The following CEP83 variants were observed in gnomAD, a reference collection of about 807,000 sequenced individuals.
CEP83 encodes the protein centrosomal protein 83, also known as centrosomal protein of 83 kDa.
A neutral mutation model predicts 101.9 loss-of-function variants in CEP83; 70 were observed. The observed-to-expected ratio is 0.69, with a 90% CI of 0.57 to 0.84. The LOEUF (loss-of-function observed/expected upper bound fraction) is 0.84. Ranked by LOEUF, CEP83 falls within the 40% of genes least tolerant of loss-of-function variation. The pLI is 0.00. For missense variants in CEP83, 715 were observed against 787.2 expected (o/e 0.91, Z 1.10); for synonymous variants, 264 against 267.9 (o/e 0.99, Z 0.14).
chr12:94,336,282 A>G (rs1445082324), intron 11 of CEP83, among the ~76,000 whole-genome samples: 1 of 152,222 alleles, frequency 6.6e-6, no homozygotes, highest in Non-Finnish European at 1.5e-5. Flanking sequence ...CTTAAAAAGC[A>G]GAGCAGCTCT....
At chr12:94,273,556 A>G in the CEP83 span, among the ~76,000 whole-genome samples, 7 of 152,138 alleles carry the variant, frequency 4.6e-5, no homozygotes, top group Non-Finnish European at 7.4e-5. Flanking sequence ...CTGCCGACCT[A>G]AAAGAGGTAC....
chr12:94,291,897 T>C, the CEP83 span, among the ~76,000 whole-genome samples: 2 of 152,184 alleles, frequency 1.3e-5, no homozygotes, highest in Non-Finnish European at 2.9e-5. Flanking sequence ...TTTTCAGCCC[T>C]TGCCCCAGAC....
chr12:94,309,883 G>T, intron 16 of CEP83, 35 bp downstream of exon 16: 2 of 1,314,462 alleles, frequency 1.5e-6, no homozygotes, highest in South Asian at 2.0e-5. Flanking sequence ...AAAAATGTAC[G>T]ACTTTTTTTT....
intron 11 of CEP83, among the ~76,000 whole-genome samples, chr12:94,339,928 C>A (rs1461969139): frequency 6.6e-6 from 1 of 152,218 alleles, no homozygotes; most frequent in Non-Finnish European, 1.5e-5. Flanking sequence ...GACACATATC[C>A]TTTCATCCCT....
At chr12:94,422,937 T>A (rs948421534) in intron 2 of CEP83, among the ~76,000 whole-genome samples, 17 of 152,042 alleles carry the variant, frequency 1.1e-4, no homozygotes, top group Non-Finnish European at 8.8e-5. Flanking sequence ...GTGGACACAT[T>A]TTCAGTTTGG....
chr12:94,403,880 TAAAA>T (rs11341038), intron 4 of CEP83, among the ~76,000 whole-genome samples: 2 of 139,836 alleles, frequency 1.4e-5, no homozygotes, highest in Non-Finnish European at 1.5e-5. Context: ...ATACTAGTTG[TAAAA>T]AAAAAAAAAA....
chr12:94,297,447 C>T, the CEP83 span: 1 of 1,482,118 alleles, frequency 6.7e-7, no homozygotes, highest in Non-Finnish European at 9.4e-7. Context: ...TCTGGGAGCA[C>T]TTTATGGCTA....
chr12:94,381,995 A>C (rs1466188284), intron 6 of CEP83, among the ~76,000 whole-genome samples: 1 of 152,014 alleles, frequency 6.6e-6, no homozygotes, highest in Non-Finnish European at 1.5e-5. Flanking sequence ...CTAGTTAACT[A>C]TTCATTTTGG....
At chr12:94,451,886 T>C (rs1201231667) in intron 1 of CEP83, among the ~76,000 whole-genome samples, 1 of 152,136 alleles carries the variant, frequency 6.6e-6, no homozygotes, top group Non-Finnish European at 1.5e-5. Context: ...AGCCAAAAAC[T>C]GGAAACCATC....
At chr12:94,297,267 G>T in the CEP83 span, 16 of 1,613,164 alleles carry the variant, frequency 9.9e-6, no homozygotes, top group Non-Finnish European at 1.3e-5. Flanking sequence ...CATGCCTTCT[G>T]TAGCAAGAGT....
chr12:94,426,811 G>A lies in CEP83; in HGVS notation c.-102+8464C>T, dbSNP rs537110191. 4.3e-3 allele frequency among the ~76,000 whole-genome samples: 649 copies of A among 152,230 alleles called. 1 individual carries two copies. Among genetic ancestry groups the A allele is most frequent in the Non-Finnish European group, 7.5e-3 (512 of 68,026 alleles). On this transcript the variant is annotated intron_variant, in intron 2 of 16. Transcript: ENST00000397809. ...GAGACTGAAGAGGAAGAGGCAATGT[G>A]ACCACGGAGACAGAGACTGGAAAGA...
intron 1 of CEP83, among the ~76,000 whole-genome samples, chr12:94,458,710 C>A (rs1230009172): frequency 6.6e-6 from 1 of 152,172 alleles, no homozygotes; most frequent in African/African-American, 2.4e-5. Context: ...TGCACTCCAG[C>A]CTGGGCGACA....
chr12:94,343,458 G>C (rs993958472), intron 11 of CEP83, among the ~76,000 whole-genome samples: 1 of 142,124 alleles, frequency 7.0e-6, no homozygotes, highest in Non-Finnish European at 1.5e-5. Flanking sequence ...ATGCAATAAA[G>C]CTAGAAATTA....
the CEP83 span, chr12:94,294,523 T>C: frequency 3.1e-6 from 4 of 1,302,160 alleles, no homozygotes; most frequent in East Asian, 2.4e-5. Flanking sequence ...TTTAAGAAGA[T>C]AGCAAATTTT....
chr12:94,298,940 T>G, the CEP83 span: 2 of 714,622 alleles, frequency 2.8e-6, no homozygotes, highest in Non-Finnish European at 4.4e-6. Flanking sequence ...CAAAGTAGTT[T>G]CTTATTCTGT....
At chr12:94,451,004 T>A (rs2067210136) in intron 1 of CEP83, among the ~76,000 whole-genome samples, 1 of 152,158 alleles carries the variant, frequency 6.6e-6, no homozygotes, top group African/African-American at 2.4e-5. Context: ...TAGACATGAG[T>A]CTTGGAATAA....
intron 1 of CEP83, among the ~76,000 whole-genome samples, chr12:94,440,708 C>A (rs1322492674): frequency 6.6e-6 from 1 of 151,658 alleles, no homozygotes; most frequent in Non-Finnish European, 1.5e-5. Context: ...CATATGAAAC[C>A]AAAAAAGGGC....
chr12:94,317,089 ATTTT>A (rs990569947), intron 14 of CEP83, among the ~76,000 whole-genome samples: 2 of 151,826 alleles, frequency 1.3e-5, no homozygotes, highest in Non-Finnish European at 2.9e-5. Context: ...AGAATCTGCT[ATTTT>A]TTTATTTTTT....
chr12:94,441,914 C>CAAAAAAAAAAAAAA, intron 1 of CEP83, among the ~76,000 whole-genome samples: 1 of 61,848 alleles, frequency 1.6e-5, no homozygotes, highest in Non-Finnish European at 3.2e-5. Flanking sequence ...GACTCCGTCT[C>CAAAAAAAAAAAAAA]AAAAAAAAAA....
Sources: allele counts gnomAD v4.1 joint callset (sites outside exome capture counted in the v4.1 genomes callset), GRCh38; gene constraint gnomAD v4.1.1; transcripts MANE v1.5; gene names NCBI Gene and HGNC (gene_info 2026-07-23, HGNC 2026-07-21).